The following LARP4 variants were observed in gnomAD, a reference collection of about 807,000 sequenced individuals.
The protein encoded by LARP4 is La ribonucleoprotein 4.
A neutral mutation model predicts 92.9 loss-of-function variants in LARP4; 29 were observed. The observed-to-expected ratio is 0.31, with a 90% CI of 0.23 to 0.43. LARP4 has a LOEUF of 0.43. Ranked by LOEUF, LARP4 falls within the 20% of genes least tolerant of loss-of-function variation. The pLI is 1.00. For missense variants in LARP4, 732 were observed against 860.0 expected (o/e 0.85, Z 1.86); for synonymous variants, 279 against 284.1 (o/e 0.98, Z 0.18).
intron 12 of LARP4, among the ~76,000 whole-genome samples, chr12:50,464,796 T>A (rs999614794): frequency 2.0e-5 from 3 of 151,940 alleles, no homozygotes; most frequent in African/African-American, 7.3e-5. Context: ...GTTCAAGTGA[T>A]TCTCTTGCCT....
intron 8 of LARP4, among the ~76,000 whole-genome samples, chr12:50,449,191 C>A (rs1002249314): frequency 2.0e-5 from 3 of 151,836 alleles, no homozygotes; most frequent in Non-Finnish European, 4.4e-5. Context: ...TGCAGTGAGC[C>A]GAGATCACAC....
At chr12:50,404,618 G>C (rs760206398) in intron 1 of LARP4, among the ~76,000 whole-genome samples, 2 of 151,528 alleles carry the variant, frequency 1.3e-5, no homozygotes, top group Non-Finnish European at 2.9e-5. Flanking sequence ...CTCGCTCTGA[G>C]ACCGAGGCTA....
intron 1 of LARP4, among the ~76,000 whole-genome samples, chr12:50,402,102 C>A (rs1036698513): frequency 2.6e-5 from 4 of 151,976 alleles, no homozygotes; most frequent in African/African-American, 9.7e-5. Context: ...AATCTAGGAG[C>A]CGGGGCCAGC....
At chr12:50,446,329 GTCTCTCTCTCTCCCTCTCTCTCTCTCTC>G (rs1313127314) in intron 8 of LARP4, among the ~76,000 whole-genome samples, 1 of 55,448 alleles carries the variant, frequency 1.8e-5, no homozygotes, top group South Asian at 8.8e-4. Flanking sequence ...TTGACTAGTG[GTCTCTCTCTCTCCCTCTCTCTCTCTCTC>G]TCTCTCTCTC....
At chr12:50,404,948 A>G (rs1266155856) in intron 1 of LARP4, among the ~76,000 whole-genome samples, 1 of 151,126 alleles carries the variant, frequency 6.6e-6, no homozygotes, top group African/African-American at 2.4e-5. Context: ...TCGGGCTCCC[A>G]AAGTGTTGGA....
Position 50,400,933 on chromosome 12 carries a change from T to A in LARP4, c.-78T>A. The A allele has an allele frequency of 6.3e-7, 1 of 1,596,854 alleles. No individual in the cohort carries two copies. Among genetic ancestry groups the A allele is most frequent in the Non-Finnish European group, 8.6e-7 (1 of 1,164,228 alleles). ...GGGGCAAGGCGAGTGTGTGTCCTTA[T>A]CCTAGCAATTGGGGCGCGGGCCTGT... On this transcript the variant is annotated 5_prime_UTR_variant, in exon 1 of 16. Coordinates refer to ENST00000398473, the MANE Select transcript of LARP4 (RefSeq NM_052879.5).
At chr12:50,413,012 A>G (rs987174634) in intron 1 of LARP4, among the ~76,000 whole-genome samples, 5 of 152,006 alleles carry the variant, frequency 3.3e-5, no homozygotes, top group African/African-American at 7.2e-5. Flanking sequence ...TCACGAGGTC[A>G]GGAGTTTGAG....
In LARP4 at chr12:50,453,564, C is replaced by T. The variant is rs1169419701; in HGVS notation, c.909C>T (p.Ser303=). The T allele has an allele frequency of 5.0e-6, 8 of 1,612,538 alleles. No individual in the cohort carries two copies. Among genetic ancestry groups the T allele is most frequent in the South Asian group, 1.1e-5 (1 of 91,050 alleles). Residue 303 remains serine (S), a synonymous_variant, in exon 9 of 16, where the codon TCC becomes TCT. Transcript: ENST00000398473. The part of the protein sequence containing the change: ...HPIQTQAQYA[S]PVFMQPVYNP... ...TTCAAACTCAAGCACAGTATGCCTC[C>T]CCAGTCTTTATGCAGCCTGTATATA...
At chr12:50,449,077 T>G (rs913206112) in intron 8 of LARP4, among the ~76,000 whole-genome samples, 9 of 151,822 alleles carry the variant, frequency 5.9e-5, no homozygotes, top group African/African-American at 2.2e-4. Flanking sequence ...CTGTCTCTAC[T>G]AAAAATACAA....
chr12:50,435,074 A>G (rs990603522), intron 4 of LARP4, among the ~76,000 whole-genome samples: 6 of 152,116 alleles, frequency 3.9e-5, no homozygotes, highest in Non-Finnish European at 8.8e-5. Flanking sequence ...GAAATGGAAA[A>G]TCCTTCTTGA....
At chr12:50,464,581 C>T (rs1198231380) in intron 12 of LARP4, among the ~76,000 whole-genome samples, 6 of 152,064 alleles carry the variant, frequency 3.9e-5, no homozygotes, top group South Asian at 2.1e-4. Context: ...TTAGTAGAGA[C>T]GGAGTTTCAC....
At chr12:50,446,228 G>C (rs1210876249) in intron 8 of LARP4, among the ~76,000 whole-genome samples, 2 of 147,204 alleles carry the variant, frequency 1.4e-5, no homozygotes, top group African/African-American at 5.0e-5. Flanking sequence ...GGATGGTCTC[G>C]ATTTCCTGAC....
At chr12:50,464,771 A>G (rs970788931) in intron 12 of LARP4, among the ~76,000 whole-genome samples, 2 of 151,740 alleles carry the variant, frequency 1.3e-5, no homozygotes, top group Non-Finnish European at 2.9e-5. Context: ...GCTCACTGCA[A>G]CCTCTGCCTC....
chr12:50,453,710 TTA>T, intron 9 of LARP4, 38 bp downstream of exon 9: 7 of 1,327,834 alleles, frequency 5.3e-6, no homozygotes, highest in Non-Finnish European at 7.3e-6. Flanking sequence ...AATAATATTT[TTA>T]ATTTGAGCTG....
chr12:50,434,531 G>A (rs1950142702), intron 4 of LARP4, among the ~76,000 whole-genome samples: 1 of 149,436 alleles, frequency 6.7e-6, no homozygotes, highest in Non-Finnish European at 1.5e-5. Context: ...CGATTCTCTT[G>A]CCTCAGCACC....
At chr12:50,408,871 C>T (rs1478552889) in intron 1 of LARP4, among the ~76,000 whole-genome samples, 3 of 151,810 alleles carry the variant, frequency 2.0e-5, no homozygotes, top group East Asian at 1.9e-4. Context: ...GCTGGGTGGG[C>T]GTGGCTCATA....
At chr12:50,434,768 G>C (rs1208051060) in intron 4 of LARP4, among the ~76,000 whole-genome samples, 1 of 152,020 alleles carries the variant, frequency 6.6e-6, no homozygotes, top group Admixed American at 6.5e-5. Context: ...TTTTGGACAG[G>C]GTGCGCTGGC....
In LARP4 at chr12:50,435,512, C is replaced by T; in HGVS notation, c.423C>T (p.Tyr141=). The part of the protein sequence containing the change: ...FSRENLSKDL[Y]LISQMDSDQF... ...GAGAAAATTTGTCAAAGGATCTTTACTTGATATCTCAAATGGATAGTGATC... is the reference window on the plus strand; with the variant it reads ...GAGAAAATTTGTCAAAGGATCTTTATTTGATATCTCAAATGGATAGTGATC... Residue 141 remains tyrosine, a synonymous_variant, in exon 5 of 16, where the codon TAC becomes TAT. Transcript: ENST00000398473. The T allele has an allele frequency of 6.4e-7, 1 of 1,563,366 alleles. No individual in the cohort carries two copies. The highest frequency in any genetic ancestry group is 8.8e-7 in the Non-Finnish European group (1 of 1,139,008).
chr12:50,459,668 A>T (rs1346326323), intron 10 of LARP4, among the ~76,000 whole-genome samples: 1 of 152,006 alleles, frequency 6.6e-6, no homozygotes, highest in African/African-American at 2.4e-5. Flanking sequence ...TACTAAAAAT[A>T]CAAAAATTAT....
Sources: gnomAD v4.1 joint callset for allele counts (sites outside exome capture counted in the v4.1 genomes callset) on GRCh38, gnomAD v4.1.1 for gene constraint, MANE v1.5 for transcripts, NCBI Gene and HGNC (gene_info 2026-07-23, HGNC 2026-07-21) for gene names.